The following CNOT9 variants were observed in gnomAD, a reference collection of about 807,000 sequenced individuals.
The protein encoded by CNOT9 is RCD1 required for cell differentiation1 homolog.
Under a neutral mutation model 37.4 loss-of-function variants are expected in CNOT9, and 8 were observed. The observed-to-expected ratio is 0.21, with a 90% CI of 0.13 to 0.39. The LOEUF is 0.39. CNOT9 is among the 10% of genes least tolerant of loss of function. The probability of loss-of-function intolerance (pLI) is 1.00; values close to 1 mark genes in which losing one functional copy is unlikely to be tolerated. For missense variants in CNOT9, 154 were observed against 365.3 expected (o/e 0.42, Z 4.71); for synonymous variants, 120 against 137.6 (o/e 0.87, Z 0.90).
rs1693817567 is a variant in CNOT9 at position 218,568,849 on chromosome 2, C to A, written c.-106C>A. On this transcript the variant is annotated 5_prime_UTR_variant, in exon 1 of 8. Transcript: ENST00000273064. ...CGAAGTGGGCGGAGCGAGCCGGAGT[C>A]GGATGGCGGCTACGGCGGCTCATTG... is the stretch of plus-strand genomic sequence containing the variant. The A allele has an allele frequency of 1.5e-6, 2 of 1,337,066 alleles. No homozygotes were observed. Among genetic ancestry groups the A allele is most frequent in the Admixed American group, 4.2e-5 (2 of 47,194 alleles). 82.8% of individuals were successfully genotyped at this position (1,337,066 alleles called of 1,614,324 possible).
At chr2:218,573,793 TAA>T (rs956602078) in intron 1 of CNOT9, 2 of 222,546 alleles carry the variant, frequency 9.0e-6, no homozygotes, top group African/African-American at 4.7e-5. Flanking sequence ...CTTACTTTGG[TAA>T]ATACCTTATC....
rs925591642 is a variant in CNOT9, at chr2:218,592,776, A to G, written c.731+69A>G. ...CTGAACAGTTTCCTAATCTCATGGC[A>G]TAGCTCCTGTGTCTTTAGGACAGGG... On this transcript the variant is annotated intron_variant, in intron 7 of 7. Coordinates refer to ENST00000273064, the MANE Select transcript of CNOT9 (RefSeq NM_005444.3). This position sits in a 1 kb window ranked among gnomAD's most constrained non-coding sequence, Gnocchi z 4.1. 30 of 1,233,798 alleles carry G rather than the reference A, an allele frequency of 2.4e-5. No individual in the cohort carries two copies. In the Admixed American group the frequency reaches 5.1e-4, roughly 21 times the overall value. The allele number at this position is 1,233,798 out of a possible 1,614,324, so 76.4% of individuals were successfully genotyped here.
chr2:218,593,711 T>G (rs1282748795), intron 7 of CNOT9: 6 of 1,242,186 alleles, frequency 4.8e-6, no homozygotes, highest in Non-Finnish European at 6.2e-6. Context: ...GAATTAAAAT[T>G]CATTAAGTTA....
chr2:218,593,034 C>A, intron 7 of CNOT9: 1 of 307,616 alleles, frequency 3.3e-6, no homozygotes, highest in Non-Finnish European at 6.0e-6. Flanking sequence ...AGTATATTTT[C>A]AAAGATCTCT....
At chr2:218,573,917 A>T (rs1227024537) in intron 1 of CNOT9, 3 of 305,634 alleles carry the variant, frequency 9.8e-6, no homozygotes, top group South Asian at 4.9e-5. Context: ...TGATAATATG[A>T]AAGTTTTTTA....
intron 4 of CNOT9, among the ~76,000 whole-genome samples, chr2:218,587,134 G>A (rs554910710): frequency 6.6e-6 from 1 of 152,132 alleles, no homozygotes; most frequent in Admixed American, 6.5e-5. Flanking sequence ...ACAATTTAGT[G>A]CAGAAAGCTT....
Position 218,592,670 on chromosome 2 carries a change from G to A in CNOT9, c.694G>A (p.Val232Ile), listed in dbSNP as rs757260957. The A allele has an allele frequency of 1.9e-6, 3 of 1,614,172 alleles. No individual in the cohort carries two copies. In the South Asian group the frequency reaches 3.3e-5, roughly 18 times the overall value. Reference sequence around the variant, plus strand: ...GCCTTCTGCCCGTCTGCTGAAGCATGTAGTGAGATGTTACCTTCGACTTTC... The same window carrying A: ...GCCTTCTGCCCGTCTGCTGAAGCATATAGTGAGATGTTACCTTCGACTTTC... Reference protein sequence around the residue: ...KEPSARLLKHVVRCYLRLSDN... With the variant: ...KEPSARLLKHIVRCYLRLSDN... Residue 232 changes from valine to isoleucine, a missense_variant, in exon 7 of 8, where the codon GTA becomes ATA. By Grantham distance (29) the Val-to-Ile change is conservative. Coordinates refer to ENST00000273064, the MANE Select transcript of CNOT9 (RefSeq NM_005444.3). This position sits in a 1 kb window ranked among gnomAD's most constrained non-coding sequence, Gnocchi z 4.1.
intron 1 of CNOT9, among the ~76,000 whole-genome samples, chr2:218,580,224 C>T (rs963907152): frequency 2.0e-5 from 3 of 152,134 alleles, no homozygotes; most frequent in Non-Finnish European, 4.4e-5. Context: ...CCAACATGGC[C>T]TCCCACAGCG....
At chr2:218,573,061 T>C (rs1694050771) in intron 1 of CNOT9, among the ~76,000 whole-genome samples, 1 of 152,194 alleles carries the variant, frequency 6.6e-6, no homozygotes, top group Admixed American at 6.5e-5. Context: ...GGCTCATGCC[T>C]GTAATCCCAG....
chr2:218,571,852 G>A (rs1265363540), intron 1 of CNOT9, among the ~76,000 whole-genome samples: 1 of 150,230 alleles, frequency 6.7e-6, no homozygotes, highest in Non-Finnish European at 1.5e-5. Context: ...CCAAAGTGCT[G>A]GGATTACAGG....
Position 218,592,406 on chromosome 2 carries a change from A to G in CNOT9, c.639+4A>G. The G allele has an allele frequency of 6.2e-7, 1 of 1,609,284 alleles. No homozygotes were observed. On this transcript the variant is annotated splice_donor_region_variant and intron_variant, in intron 6 of 7. Transcript: ENST00000273064. The surrounding 1 kb of genome is among the most constrained non-coding windows in gnomAD (Gnocchi z 4.1). Reference sequence around the variant, plus strand: ...CTCCCATGTTGCCATGATCTTGGTGAGTTCTTTCATCTATCCCCTTTACAA... The same window carrying G: ...CTCCCATGTTGCCATGATCTTGGTGGGTTCTTTCATCTATCCCCTTTACAA...
At chr2:218,577,099 A>C (rs1272933807) in intron 1 of CNOT9, among the ~76,000 whole-genome samples, 2 of 152,190 alleles carry the variant, frequency 1.3e-5, no homozygotes, top group Non-Finnish European at 2.9e-5. Context: ...TTGCCATTTA[A>C]ATTTTACATA....
chr2:218,593,008 C>T (rs10190250), intron 7 of CNOT9: 122,889 of 374,938 alleles, frequency 0.33, 22,143 homozygotes, highest in Non-Finnish European at 0.39. Flanking sequence ...TGCTACTCTA[C>T]GTGGTCAGAG....
At chr2:218,575,559 C>A (rs1234380680) in intron 1 of CNOT9, among the ~76,000 whole-genome samples, 4 of 151,952 alleles carry the variant, frequency 2.6e-5, no homozygotes. Flanking sequence ...CCTGCCACCA[C>A]ACCTGGCTAA....
intron 5 of CNOT9, among the ~76,000 whole-genome samples, chr2:218,590,908 C>G (rs1048495465): frequency 6.6e-6 from 1 of 152,044 alleles, no homozygotes; most frequent in Non-Finnish European, 1.5e-5. Flanking sequence ...TCACTGCATC[C>G]TTGAACTCCT....
At chr2:218,589,170 G>T (rs781385928) in intron 5 of CNOT9, 2 of 151,918 alleles carry the variant, frequency 1.3e-5, no homozygotes, top group African/African-American at 4.8e-5. Flanking sequence ...TGAGTTGGGT[G>T]TAAGCAGGTA....
rs1443229259 is a variant in CNOT9 at position 218,592,827 on chromosome 2, TTGTC to T, written c.731+123_731+126del. The T allele has an allele frequency of 6.6e-6, 5 of 762,216 alleles. No individual in the cohort carries two copies. The African/African-American group carries it at 7.0e-5, about 11-fold the overall frequency. 47.2% of individuals were successfully genotyped at this position (762,216 alleles called of 1,614,324 possible). ...AAGTGGGGATATAACTGCATTTAGT[TTGTC>T]TGAGACAGAACTTAGATTCTTTTAA... On this transcript the variant is annotated intron_variant, in intron 7 of 7. Transcript: ENST00000273064. The surrounding 1 kb of genome is among the most constrained non-coding windows in gnomAD (Gnocchi z 4.1).
At chr2:218,575,843 G>A (rs116572796) in intron 1 of CNOT9, among the ~76,000 whole-genome samples, 2,374 of 152,260 alleles carry the variant, frequency 0.016, 60 homozygotes, top group African/African-American at 0.054. Context: ...GCCTGTCAGT[G>A]AGCAATGTGT....
At position 218,581,175 on chromosome 2, in the gene CNOT9, T is replaced by C. The variant is rs879165553; in HGVS notation, c.204+435T>C. 1.0e-4 allele frequency: 31 copies of C among 303,008 alleles called. No homozygotes were observed. In the East Asian group the frequency reaches 2.3e-3, roughly 23 times the overall value. The allele number at this position is 303,008 out of a possible 1,614,324, so 18.8% of individuals were successfully genotyped here. ...GGGTTTTTTTGTTTGTTTTTCTTTT[T>C]TTTTTTTTTTTGAGACGGAATCTCG... On this transcript the variant is annotated intron_variant, in intron 2 of 7. Coordinates refer to ENST00000273064, the MANE Select transcript of CNOT9 (RefSeq NM_005444.3).
Sources: gnomAD v4.1 joint callset for allele counts (sites outside exome capture counted in the v4.1 genomes callset) on GRCh38, gnomAD v4.1.1 for gene constraint, Gnocchi (gnomAD v3.1) non-coding constraint, MANE v1.5 for transcripts, NCBI Gene and HGNC (gene_info 2026-07-23, HGNC 2026-07-21) for gene names.